The following SLC47A2 variants were observed in gnomAD, a reference collection of about 807,000 sequenced individuals.
The protein encoded by SLC47A2 is multidrug and toxin extrusion protein 2.
In SLC47A2, 52 loss-of-function variants were observed where a neutral mutation model predicts 67.7. That is an observed-to-expected ratio of 0.77 (90% confidence interval 0.61 to 0.97). The LOEUF (loss-of-function observed/expected upper bound fraction) is 0.97. Ranked by LOEUF, SLC47A2 falls within the 50% of genes least tolerant of loss-of-function variation. The probability of loss-of-function intolerance (pLI) is 0.00; values close to 1 mark genes in which losing one functional copy is unlikely to be tolerated. For missense variants in SLC47A2, 676 were observed against 712.3 expected (o/e 0.95, Z 0.58); for synonymous variants, 278 against 292.9 (o/e 0.95, Z 0.52).
chr17:19,696,190 C>T (rs2085658613), intron 13 of SLC47A2, among the ~76,000 whole-genome samples: 2 of 150,726 alleles, frequency 1.3e-5, no homozygotes, highest in South Asian at 2.1e-4. Context: ...CGGTGGCTCA[C>T]ACCTGTAATC....
chr17:19,705,260 C>A, intron 10 of SLC47A2, 176 bp downstream of exon 10: 1 of 538,360 alleles, frequency 1.9e-6, no homozygotes, highest in Non-Finnish European at 3.2e-6. Flanking sequence ...GTTGTGGGCA[C>A]CTGTGTGTGA....
rs143256780 is a variant in SLC47A2, at chr17:19,678,860, C to T, written c.1527G>A (p.Arg509=). 175 of 1,605,944 alleles carry T rather than the reference C, an allele frequency of 1.1e-4. No individual in the cohort carries two copies. Among genetic ancestry groups the T allele is most frequent in the Middle Eastern group, 6.6e-4 (4 of 6,050 alleles). The change falls in exon 17 of 17, where the codon AGG becomes AGA. Residue 509 remains arginine, a synonymous_variant. Transcript: ENST00000433844. ...SPGITLTTYS[R]SECHVDFFRT... ...TGAAGAAGTCCACGTGGCACTCAGA[C>T]CTTGAATACGTTGTCAAGGTAATGC...
At chr17:19,704,963 C>T (rs2085891247) in intron 10 of SLC47A2, 6 of 406,612 alleles carry the variant, frequency 1.5e-5, no homozygotes, top group South Asian at 4.5e-5. Flanking sequence ...GTGGCTGGGA[C>T]TACAGGCTTG....
intron 5 of SLC47A2, among the ~76,000 whole-genome samples, chr17:19,709,343 C>T (rs1042031474): frequency 5.3e-5 from 8 of 152,172 alleles, no homozygotes; most frequent in Non-Finnish European, 8.8e-5. Flanking sequence ...TGTACCTACC[C>T]TTTCTCTCCT....
chr17:19,689,606 A>G (rs983754895), intron 13 of SLC47A2, among the ~76,000 whole-genome samples: 5 of 151,788 alleles, frequency 3.3e-5, no homozygotes, highest in African/African-American at 4.8e-5. Flanking sequence ...CTGAAGTGAG[A>G]GGATCACCTG....
chr17:19,707,889 G>T, intron 7 of SLC47A2, 46 bp from the exon 8 acceptor site: 1 of 1,517,736 alleles, frequency 6.6e-7, no homozygotes, highest in Non-Finnish European at 9.0e-7. Context: ...CCAACTCTCT[G>T]CCACCGCCCT....
rs762036992 is a variant in SLC47A2 at position 19,704,164 on chromosome 17, G to A, written c.924C>T (p.Leu308=). 38 of 1,608,242 alleles carry A rather than the reference G, an allele frequency of 2.4e-5. No homozygotes were observed. Among genetic ancestry groups the A allele is most frequent in the Non-Finnish European group, 3.0e-5 (35 of 1,178,024 alleles). Residue 308 remains leucine, a synonymous_variant, in exon 11 of 17, where the codon CTC becomes CTT. Coordinates refer to ENST00000433844, the MANE Select transcript of SLC47A2 (RefSeq NM_001099646.3). ...ATVTYMIPLG[L]SIGVCVRVGM... ...CCACTCGGACACAGACCCCGATGCT[G>A]AGCCCCAAGGGAATCTGGGATCAAA...
intron 1 of SLC47A2, 143 bp downstream of exon 1, chr17:19,716,290 C>T (rs2086263256): frequency 1.5e-6 from 2 of 1,315,622 alleles, no homozygotes; most frequent in South Asian, 3.1e-5. Context: ...ATCCTGCTGT[C>T]CCCAGACTCT....
intron 7 of SLC47A2, 63 bp from the exon 8 acceptor site, chr17:19,707,906 G>C (rs917374813): frequency 6.1e-6 from 9 of 1,467,882 alleles, no homozygotes; most frequent in Non-Finnish European, 3.7e-6. Context: ...CCCTGCCTGA[G>C]AGAGAGGTGG....
intron 11 of SLC47A2, 43 bp downstream of exon 11, chr17:19,704,027 C>G (rs1434713740): frequency 6.7e-7 from 1 of 1,493,496 alleles, no homozygotes; most frequent in Non-Finnish European, 9.1e-7. Flanking sequence ...GCTGGTGACT[C>G]AGGCCAACGT....
At position 19,711,588 on chromosome 17, in the gene SLC47A2, CAAA is replaced by C. The variant is rs35308426; in HGVS notation, c.486+1112_486+1114del. Among the ~76,000 whole-genome samples, 200 of 32,998 alleles carry C rather than the reference CAAA, an allele frequency of 6.1e-3. 1 individual carries two copies. The East Asian group carries it at 0.11, about 19-fold the overall frequency. 21.6% of individuals were successfully genotyped at this position (32,998 alleles called of 152,430 possible). ...TGGATGACAGAGCAAAACTCCGTCT[CAAA>C]AAAAAAAAAAAAAAAAAAAAAAAAA... On this transcript the variant is annotated intron_variant, in intron 5 of 16. Transcript: ENST00000433844.
intron 13 of SLC47A2, among the ~76,000 whole-genome samples, chr17:19,693,611 AAATAAT>A (rs61226037): frequency 5.5e-5 from 8 of 146,346 alleles, no homozygotes; most frequent in South Asian, 2.2e-4. Context: ...TCTCTACTAA[AAATAAT>A]AATAATAATA....
At chr17:19,683,989 C>G (rs924329381) in intron 13 of SLC47A2, among the ~76,000 whole-genome samples, 1 of 152,178 alleles carries the variant, frequency 6.6e-6, no homozygotes, top group Non-Finnish European at 1.5e-5. Context: ...GTTACTTAAC[C>G]AACACAATGA....
chr17:19,694,895 A>G (rs2085623212), intron 13 of SLC47A2, among the ~76,000 whole-genome samples: 2 of 148,694 alleles, frequency 1.3e-5, no homozygotes, highest in East Asian at 2.1e-4. Flanking sequence ...CAGCCCGGGT[A>G]AAAGAGCAAG....
chr17:19,701,323 C>T (rs1014501012), intron 13 of SLC47A2, among the ~76,000 whole-genome samples: 4 of 152,088 alleles, frequency 2.6e-5, no homozygotes, highest in East Asian at 1.9e-4. Context: ...ACATGTGGCC[C>T]GAGCTTGTCG....
intron 5 of SLC47A2, among the ~76,000 whole-genome samples, chr17:19,709,982 A>T (rs1319615816): frequency 6.6e-6 from 1 of 152,084 alleles, no homozygotes; most frequent in African/African-American, 2.4e-5. Flanking sequence ...GCTAGGCCCC[A>T]AAAAGGTCAT....
Position 19,704,182 on chromosome 17 carries a change from G to T in SLC47A2, c.910-4C>A, listed in dbSNP as rs990258509. The T allele has an allele frequency of 1.9e-6, 3 of 1,600,810 alleles. No homozygotes were observed. The highest frequency in any genetic ancestry group is 2.6e-6 in the Non-Finnish European group (3 of 1,174,764). ...CGATGCTGAGCCCCAAGGGAATCTG[G>T]GATCAAAGATAAGAAAGCACTGTCA... On this transcript the variant is annotated splice_polypyrimidine_tract_variant and splice_region_variant and intron_variant, in intron 10 of 16. Transcript: ENST00000433844.
At chr17:19,704,754 G>GT in intron 10 of SLC47A2, 1 of 1,480,152 alleles carries the variant, frequency 6.8e-7, no homozygotes, top group Non-Finnish European at 9.2e-7. Context: ...GCCCTGCTGG[G>GT]GACGCTGTCA....
chr17:19,688,301 A>G (rs1229316464), intron 13 of SLC47A2, among the ~76,000 whole-genome samples: 1 of 152,198 alleles, frequency 6.6e-6, no homozygotes, highest in Non-Finnish European at 1.5e-5. Flanking sequence ...ATTTGATGAA[A>G]TTCAACATCC....
Sources: gnomAD v4.1 joint callset for allele counts (sites outside exome capture counted in the v4.1 genomes callset) on GRCh38, gnomAD v4.1.1 for gene constraint, MANE v1.5 for transcripts, NCBI Gene and HGNC (gene_info 2026-07-23, HGNC 2026-07-21) for gene names.